The following GGTA1 variants were observed in gnomAD, a reference collection of about 807,000 sequenced individuals.
GGTA1 encodes the protein glycoprotein alpha-galactosyltransferase 1 (inactive), also known as inactive N-acetyllactosaminide alpha-1,3-galactosyltransferase.
A neutral mutation model predicts 2.6 loss-of-function variants in GGTA1; 5 were observed. The ratio of observed to expected loss-of-function variants is 1.92; its 90% confidence interval spans 1.00 to 4.04. The LOEUF (loss-of-function observed/expected upper bound fraction) is 4.04, where lower values mean the gene tolerates loss of function less well. Among genes scored for constraint, GGTA1 ranks in the 30% most tolerant of loss-of-function variants. The pLI, the probability that GGTA1 is intolerant of heterozygous loss-of-function variation, is 0.00. For missense variants in GGTA1, 50 were observed against 16.7 expected (o/e 2.99, Z -3.47); for synonymous variants, 17 against 5.0 (o/e 3.38, Z -3.19).
At chr9:121,473,821 G>T (rs552654582) in intron 1 of GGTA1, among the ~76,000 whole-genome samples, 6 of 152,132 alleles carry the variant, frequency 3.9e-5, no homozygotes, top group Non-Finnish European at 7.4e-5. Context: ...GGAAGCTGAG[G>T]TAGGAGGATC....
intron 1 of GGTA1, among the ~76,000 whole-genome samples, chr9:121,495,241 T>C (rs1461682238): frequency 5.9e-5 from 9 of 151,496 alleles, no homozygotes; most frequent in Non-Finnish European, 1.3e-4. Context: ...CAAATAAACT[T>C]CTGGAAAGAG....
At chr9:121,481,511 C>T (rs962377501) in intron 1 of GGTA1, among the ~76,000 whole-genome samples, 3 of 150,894 alleles carry the variant, frequency 2.0e-5, no homozygotes, top group Admixed American at 6.6e-5. Flanking sequence ...GGTGAAACGC[C>T]GTCTCTACTA....
At chr9:121,449,839 C>A (rs1344292956) in intron 7 of GGTA1, among the ~76,000 whole-genome samples, 246 of 94,262 alleles carry the variant, frequency 2.6e-3, no homozygotes, top group South Asian at 4.2e-3. Flanking sequence ...GACTCCATCT[C>A]AAAAAAAAAA....
At chr9:121,491,854 C>T (rs1418890249) in intron 1 of GGTA1, among the ~76,000 whole-genome samples, 2 of 152,124 alleles carry the variant, frequency 1.3e-5, no homozygotes, top group Admixed American at 6.5e-5. Flanking sequence ...AAGTGATCTG[C>T]GTGCCTCTGC....
At position 121,486,909 on chromosome 9, in the gene GGTA1, G is replaced by A. The variant is rs562694903; in HGVS notation, c.-10+12741C>T. 1.8e-4 allele frequency among the ~76,000 whole-genome samples: 27 copies of A among 152,340 alleles called. No individual in the cohort carries two copies. In the South Asian group the frequency reaches 5.4e-3, roughly 30 times the overall value. ...TTTCCCGGTTTGCCCATCTGCAGAA[G>A]AGGTGAGCAGAACTCAGGTACCCCT... On this transcript the variant is annotated intron_variant, in intron 1 of 5. Transcript: ENST00000481799.
chr9:121,468,477 C>T (rs1280230261), intron 1 of GGTA1, among the ~76,000 whole-genome samples: 1 of 152,158 alleles, frequency 6.6e-6, no homozygotes, highest in African/African-American at 2.4e-5. Flanking sequence ...CTGCAATAAA[C>T]ACATGTGTGC....
chr9:121,449,501 T>G (rs976437349), intron 7 of GGTA1, among the ~76,000 whole-genome samples: 13 of 152,148 alleles, frequency 8.5e-5, no homozygotes, highest in African/African-American at 3.1e-4. Flanking sequence ...TAGTAGGTAT[T>G]TAGTGGTATT....
At chr9:121,457,674 C>T (rs1213365452) in intron 5 of GGTA1, among the ~76,000 whole-genome samples, 3 of 143,340 alleles carry the variant, frequency 2.1e-5, no homozygotes, top group Non-Finnish European at 3.0e-5. Context: ...GCACTCCAGC[C>T]TGGGCAACAA....
chr9:121,448,248 A>C (rs545012015), intron 7 of GGTA1, among the ~76,000 whole-genome samples: 34 of 152,328 alleles, frequency 2.2e-4, no homozygotes, highest in African/African-American at 7.5e-4. Flanking sequence ...CTCCATTCAA[A>C]AGCCCTAACA....
intron 5 of GGTA1, among the ~76,000 whole-genome samples, chr9:121,458,564 C>A (rs1339305801): frequency 6.6e-6 from 1 of 151,340 alleles, no homozygotes; most frequent in Non-Finnish European, 1.5e-5. Context: ...GAGGTGGAGG[C>A]TACAGTGAGC....
downstream of GGTA1, among the ~76,000 whole-genome samples, chr9:121,452,545 A>G (rs1374722756): frequency 6.6e-6 from 1 of 151,000 alleles, no homozygotes; most frequent in African/African-American, 2.4e-5. Flanking sequence ...TTTAAGACAG[A>G]TCTCGCTCTG....
intron 1 of GGTA1, among the ~76,000 whole-genome samples, chr9:121,468,674 A>C (rs988525096): frequency 1.3e-5 from 2 of 152,226 alleles, no homozygotes; most frequent in African/African-American, 4.8e-5. Context: ...TGATCTAACT[A>C]GAGCTGAGGA....
Position 121,461,245 on chromosome 9 carries a change from G to A in GGTA1, c.182+7C>T, listed in dbSNP as rs942851631. The A allele has an allele frequency of 2.0e-5, 9 of 456,306 alleles. No homozygotes were observed. Among genetic ancestry groups the A allele is most frequent in the Admixed American group, 4.7e-5 (2 of 42,494 alleles). The allele number at this position is 456,306 out of a possible 1,614,324, so 28.3% of individuals were successfully genotyped here. A position where few individuals can be genotyped will look rare whatever the true frequency, so the allele number is the denominator to read the frequency against. On this transcript the variant is annotated splice_region_variant and intron_variant, in intron 4 of 5. Coordinates refer to ENST00000481799, the MANE Select transcript of GGTA1 (RefSeq NM_001382585.1). ...GGCAAACACCGACTGCTGTCTGATCGCCTTACCCATTGTTAAACCAGCTCA... is the reference window on the plus strand; with the variant it reads ...GGCAAACACCGACTGCTGTCTGATCACCTTACCCATTGTTAAACCAGCTCA...
intron 3 of GGTA1, chr9:121,463,037 A>G (rs1564652301): frequency 4.0e-6 from 1 of 248,498 alleles, no homozygotes. Context: ...TATCAGCAAG[A>G]CAGGAATGTT....
intron 1 of GGTA1, among the ~76,000 whole-genome samples, chr9:121,487,844 T>C (rs966424960): frequency 8.6e-5 from 13 of 151,714 alleles, no homozygotes; most frequent in Non-Finnish European, 1.9e-4. Flanking sequence ...GCCTCCCACG[T>C]AGCTGGGATT....
chr9:121,493,592 G>A (rs1046181186), intron 1 of GGTA1, among the ~76,000 whole-genome samples: 1 of 151,842 alleles, frequency 6.6e-6, no homozygotes, highest in Admixed American at 6.6e-5. Context: ...AATTATTTTT[G>A]TTTCCCTCGG....
At chr9:121,448,033 T>G (rs2064860101) in intron 7 of GGTA1, among the ~76,000 whole-genome samples, 3 of 152,194 alleles carry the variant, frequency 2.0e-5, no homozygotes, top group African/African-American at 7.2e-5. Context: ...CAGAGGCCTG[T>G]AGGTGCCTGG....
downstream of GGTA1, among the ~76,000 whole-genome samples, chr9:121,452,583 A>C (rs977213946): frequency 5.9e-5 from 9 of 151,598 alleles, no homozygotes; most frequent in Admixed American, 1.3e-4. Context: ...CAGTGGCAGG[A>C]TCTTGGCTCA....
chr9:121,468,625 C>A (rs543098599), intron 1 of GGTA1, among the ~76,000 whole-genome samples: 1 of 152,220 alleles, frequency 6.6e-6, no homozygotes, highest in South Asian at 2.1e-4. Flanking sequence ...AACTAATTTA[C>A]ATGCCCACCT....
Sources: gnomAD v4.1 joint callset for allele counts (sites outside exome capture counted in the v4.1 genomes callset) on GRCh38, gnomAD v4.1.1 for gene constraint, MANE v1.5 for transcripts, NCBI Gene and HGNC (gene_info 2026-07-23, HGNC 2026-07-21) for gene names.